GRIK3: variants seen among roughly 807,000 people sequenced by gnomAD.
The protein encoded by GRIK3 is glutamate ionotropic receptor kainate type subunit 3.
In GRIK3, 29 loss-of-function variants were observed where a neutral mutation model predicts 102.5. That is an observed-to-expected ratio of 0.28 (90% CI 0.21 to 0.39). The LOEUF is 0.39. Among genes scored for constraint, GRIK3 ranks in the 10% least tolerant of loss-of-function variants. GRIK3 has a pLI of 1.00. For missense variants in GRIK3, 908 were observed against 1,252.4 expected (o/e 0.73, Z 4.15); for synonymous variants, 511 against 504.9 (o/e 1.01, Z -0.16).
In GRIK3 at chr1:36,795,696, A is replaced by AC. The variant is rs1642357040; in HGVS notation, c.*6154dup. On this transcript the variant is annotated 3_prime_UTR_variant, in exon 16 of 16. Coordinates refer to ENST00000373091, the MANE Select transcript of GRIK3 (RefSeq NM_000831.4). ...TGGCAAGTAACACAGTTACTATGAA[A>AC]CCCAAATTGTTACAAAATGTTTACA... 6.6e-6 allele frequency: 1 copy of AC among 152,232 alleles called. No individual in the cohort carries two copies. Among genetic ancestry groups the AC allele is most frequent in the Non-Finnish European group, 1.5e-5 (1 of 68,044 alleles). 9.4% of individuals were successfully genotyped at this position (152,232 alleles called of 1,614,324 possible).
intron 1 of GRIK3, among the ~76,000 whole-genome samples, chr1:36,908,873 A>T (rs1235562651): frequency 1.3e-5 from 2 of 151,932 alleles, no homozygotes; most frequent in Non-Finnish European, 2.9e-5. Flanking sequence ...TGCAGCTGGA[A>T]TATTTTCTTC....
intron 9 of GRIK3, among the ~76,000 whole-genome samples, chr1:36,844,906 C>CTCACTTCCTGACCCTGTCT (rs1553176593): frequency 1.3e-5 from 2 of 152,176 alleles, no homozygotes; most frequent in East Asian, 3.9e-4. Flanking sequence ...CCTGAGATAG[C>CTCACTTCCTGACCCTGTCT]TCACTTCCTG....
rs761972642 is a variant in GRIK3, at chr1:36,902,458, G to A, written c.116-11362C>T. Among the ~76,000 whole-genome samples the A allele has an allele frequency of 3.3e-5, 5 of 152,170 alleles. No individual in the cohort carries two copies. The South Asian group carries it at 1.0e-3, about 32-fold the overall frequency. ...TAAAGTCGACCGATCTTTGACAAGG[G>A]AGCAAAGGCAATACGGTGGAGAAAA... On this transcript the variant is annotated intron_variant, in intron 1 of 15. Coordinates refer to ENST00000373091, the MANE Select transcript of GRIK3 (RefSeq NM_000831.4).
In GRIK3 at chr1:36,966,213, C is replaced by T. The variant is rs1392376092; in HGVS notation, c.115+67781G>A. On this transcript the variant is annotated intron_variant, in intron 1 of 15. Coordinates refer to ENST00000373091, the MANE Select transcript of GRIK3 (RefSeq NM_000831.4). ...TCCTGAGGGTTTGCCCCAATCACCT[C>T]TCCACAGGCCCAGTTCTGCATCAGC... 5.9e-5 allele frequency among the ~76,000 whole-genome samples: 9 copies of T among 152,244 alleles called. No individual in the cohort carries two copies. The East Asian group carries it at 1.5e-3, about 26-fold the overall frequency.
chr1:36,927,783 C>T (rs554438020), intron 1 of GRIK3, among the ~76,000 whole-genome samples: 4 of 152,224 alleles, frequency 2.6e-5, no homozygotes, highest in Admixed American at 6.5e-5. Flanking sequence ...CAACAGGTTC[C>T]GAGAGGCTGT....
intron 1 of GRIK3, among the ~76,000 whole-genome samples, chr1:37,002,078 C>G (rs1373085773): frequency 6.6e-6 from 1 of 152,166 alleles, no homozygotes; most frequent in East Asian, 1.9e-4. Context: ...GTGTACCCAG[C>G]CTCAGGACTG....
intron 1 of GRIK3, among the ~76,000 whole-genome samples, chr1:37,016,374 T>C (rs1214325058): frequency 6.6e-6 from 1 of 152,180 alleles, no homozygotes. Flanking sequence ...AGACTCACCT[T>C]AGGGTTAAAT....
intron 5 of GRIK3, among the ~76,000 whole-genome samples, chr1:36,867,186 C>T (rs1161773686): frequency 1.3e-5 from 2 of 152,182 alleles, no homozygotes; most frequent in African/African-American, 4.8e-5. Flanking sequence ...TAGCACACCA[C>T]AGCTACCCTG....
chr1:36,997,480 G>A (rs1642432638), intron 1 of GRIK3, among the ~76,000 whole-genome samples: 1 of 152,210 alleles, frequency 6.6e-6, no homozygotes, highest in Middle Eastern at 3.2e-3. Flanking sequence ...ACAGAGAGAG[G>A]GAGCTGGCCC....
At chr1:36,941,557 G>C (rs567263539) in intron 1 of GRIK3, among the ~76,000 whole-genome samples, 3 of 152,064 alleles carry the variant, frequency 2.0e-5, no homozygotes, top group Middle Eastern at 3.2e-3. Context: ...TGGGGTGGAG[G>C]GGGGGAGTGC....
intron 7 of GRIK3, among the ~76,000 whole-genome samples, chr1:36,858,793 G>A (rs754893798): frequency 3.9e-5 from 6 of 152,116 alleles, no homozygotes; most frequent in Non-Finnish European, 5.9e-5. Flanking sequence ...TCTCCAGCTC[G>A]CCCAAGGTCA....
intron 10 of GRIK3, among the ~76,000 whole-genome samples, chr1:36,839,775 T>C (rs1640424921): frequency 6.6e-6 from 1 of 152,122 alleles, no homozygotes; most frequent in Non-Finnish European, 1.5e-5. Context: ...TCTTGACCAT[T>C]TGAGTCTCCT....
intron 2 of GRIK3, among the ~76,000 whole-genome samples, chr1:36,884,186 A>C (rs1377080623): frequency 3.3e-5 from 5 of 152,194 alleles, no homozygotes; most frequent in Non-Finnish European, 5.9e-5. Flanking sequence ...CTGGGAGCCA[A>C]GTCGGGGAAG....
rs112742551 is a variant in GRIK3 at position 36,850,225 on chromosome 1, G to C, written c.1326+86C>G. 39 of 802,100 alleles carry C rather than the reference G, an allele frequency of 4.9e-5. No individual in the cohort carries two copies. The African/African-American group carries it at 5.9e-4, about 12-fold the overall frequency. 49.7% of individuals were successfully genotyped at this position (802,100 alleles called of 1,614,324 possible). The stretch of plus-strand genomic sequence containing the variant: ...ACCTGCAGCCTCCATCTTCTGGGTG[G>C]GGGGGATAGAGGGGACTCTCCAGCC... On this transcript the variant is annotated intron_variant, in intron 9 of 15. Transcript: ENST00000373091. This position sits in a 1 kb window ranked among gnomAD's most constrained non-coding sequence, Gnocchi z 4.0.
At chr1:36,842,751 C>CAAGG (rs1640472043) in intron 9 of GRIK3, among the ~76,000 whole-genome samples, 1 of 152,186 alleles carries the variant, frequency 6.6e-6, no homozygotes, top group Admixed American at 6.5e-5. Flanking sequence ...TAATGTCAGC[C>CAAGG]CTCTGGGGTG....
chr1:37,000,189 G>A (rs1642460965), intron 1 of GRIK3, among the ~76,000 whole-genome samples: 1 of 152,192 alleles, frequency 6.6e-6, no homozygotes. Flanking sequence ...GTTGTTGAAT[G>A]GATGACCTTC....
intron 1 of GRIK3, among the ~76,000 whole-genome samples, chr1:36,979,605 A>G (rs367621311): frequency 6.6e-6 from 1 of 152,210 alleles, no homozygotes; most frequent in African/African-American, 2.4e-5. Context: ...ACTTGACTCA[A>G]AGAAAAACAA....
intron 7 of GRIK3, among the ~76,000 whole-genome samples, chr1:36,856,653 T>C (rs1238660651): frequency 1.3e-5 from 2 of 152,120 alleles, no homozygotes; most frequent in Admixed American, 1.3e-4. Flanking sequence ...GCCATGTCCA[T>C]GGATGTAAAA....
chr1:36,870,000 T>G (rs1380046847), intron 4 of GRIK3, among the ~76,000 whole-genome samples, 199 bp from the exon 5 acceptor site: 1 of 152,218 alleles, frequency 6.6e-6, no homozygotes, highest in Admixed American at 6.5e-5. Context: ...TGGAGTGTGC[T>G]GTAAAGTCAC....
Sources: gnomAD v4.1 joint callset for allele counts (sites outside exome capture counted in the v4.1 genomes callset) on GRCh38, gnomAD v4.1.1 for gene constraint, Gnocchi (gnomAD v3.1) non-coding constraint, MANE v1.5 for transcripts, NCBI Gene and HGNC (gene_info 2026-07-23, HGNC 2026-07-21) for gene names.